Variants in EYS observed in about 807,000 individuals in gnomAD.
EYS encodes the protein protein eyes shut homolog.
In EYS, 250 loss-of-function variants were observed where a neutral mutation model predicts 282.1. The observed-to-expected ratio is 0.89, with a 90% CI of 0.80 to 0.98. The LOEUF (loss-of-function observed/expected upper bound fraction) is 0.98, where lower values mean the gene tolerates loss of function less well. EYS is among the 50% of genes least tolerant of loss of function. The probability of loss-of-function intolerance (pLI) is 0.00; values close to 1 mark genes in which losing one functional copy is unlikely to be tolerated. For missense variants in EYS, 4,016 were observed against 3,709.0 expected (o/e 1.08, Z -2.15); for synonymous variants, 1,355 against 1,282.9 (o/e 1.06, Z -1.20).
At chr6:64,425,174 C>T (rs1189264255) in intron 28 of EYS, among the ~76,000 whole-genome samples, 2 of 152,140 alleles carry the variant, frequency 1.3e-5, no homozygotes, top group East Asian at 1.9e-4. Context: ...AGGAACACAA[C>T]CATGCAGGGT....
chr6:63,973,125 C>G (rs1010310326), intron 35 of EYS, among the ~76,000 whole-genome samples: 3 of 152,016 alleles, frequency 2.0e-5, no homozygotes, highest in Non-Finnish European at 2.9e-5. Flanking sequence ...CTTGAGGAAT[C>G]GCCACACTGT....
intron 8 of EYS, among the ~76,000 whole-genome samples, chr6:65,378,303 A>C (rs2150347152): frequency 6.6e-6 from 1 of 152,342 alleles, no homozygotes; most frequent in East Asian, 1.9e-4. Context: ...ATCACTGGTC[A>C]TTAGAGAAAT....
chr6:64,288,107 T>A (rs141638739), intron 30 of EYS, among the ~76,000 whole-genome samples: 68 of 152,274 alleles, frequency 4.5e-4, no homozygotes, highest in African/African-American at 1.6e-3. Flanking sequence ...AGTTCTTTCA[T>A]GCATTTCATG....
At chr6:65,538,910 TCC>T (rs1768060362) in intron 2 of EYS, among the ~76,000 whole-genome samples, 3 of 152,130 alleles carry the variant, frequency 2.0e-5, no homozygotes, top group Non-Finnish European at 4.4e-5. Context: ...ATATATGCCA[TCC>T]TCAGGGACTG....
At chr6:65,169,618 G>A (rs1393778785) in intron 12 of EYS, among the ~76,000 whole-genome samples, 1 of 151,220 alleles carries the variant, frequency 6.6e-6, no homozygotes, top group African/African-American at 2.4e-5. Context: ...TTATTTAAAT[G>A]TAAAAAATTA....
intron 2 of EYS, among the ~76,000 whole-genome samples, chr6:65,590,701 A>G (rs1765199648): frequency 6.6e-6 from 1 of 151,962 alleles, no homozygotes; most frequent in East Asian, 1.9e-4. Flanking sequence ...ACTTTTGAAG[A>G]TTCCGTTTAT....
chr6:64,487,967 T>C (rs1776626220), intron 26 of EYS, among the ~76,000 whole-genome samples: 2 of 151,136 alleles, frequency 1.3e-5, no homozygotes, highest in South Asian at 4.1e-4. Context: ...CAGATCCCAG[T>C]TGAACAAAAT....
chr6:64,901,062 A>G (rs1309855825), intron 18 of EYS, among the ~76,000 whole-genome samples: 1 of 151,678 alleles, frequency 6.6e-6, no homozygotes, highest in Non-Finnish European at 1.5e-5. Context: ...TATGAGCTAT[A>G]AAAAAGAATG....
At chr6:64,978,459 A>G (rs1459604167) in intron 14 of EYS, among the ~76,000 whole-genome samples, 2 of 151,934 alleles carry the variant, frequency 1.3e-5, no homozygotes, top group Non-Finnish European at 2.9e-5. Context: ...ATGATCATGC[A>G]AGAATTCTGA....
In EYS at chr6:63,953,601, C is replaced by T. The variant is rs553210471; in HGVS notation, c.7055+30782G>A. Reference sequence around the variant, plus strand: ...CCTGGACATGGTTAGGTACTTCTGCCTTTAAATACATAGTTTTACCATCCT... The same window carrying T: ...CCTGGACATGGTTAGGTACTTCTGCTTTTAAATACATAGTTTTACCATCCT... On this transcript the variant is annotated intron_variant, in intron 35 of 42. Transcript: ENST00000503581. Among the ~76,000 whole-genome samples the T allele has an allele frequency of 2.0e-5, 3 of 152,298 alleles. No individual in the cohort carries two copies. In the South Asian group the frequency reaches 6.2e-4, roughly 32 times the overall value.
chr6:63,762,729 A>T (rs1017305512), intron 40 of EYS, 96 bp from the exon 41 acceptor site: 4 of 1,147,940 alleles, frequency 3.5e-6, no homozygotes, highest in Admixed American at 3.1e-5. Flanking sequence ...ATTTTAACTG[A>T]AGTTCCAAGA....
intron 2 of EYS, among the ~76,000 whole-genome samples, chr6:65,572,837 A>T (rs968409050): frequency 2.0e-5 from 3 of 152,134 alleles, no homozygotes; most frequent in African/African-American, 7.2e-5. Flanking sequence ...CATCTATTTT[A>T]AAAATTGCAA....
chr6:64,317,507 G>A (rs950270954), intron 29 of EYS, among the ~76,000 whole-genome samples: 1 of 151,862 alleles, frequency 6.6e-6, no homozygotes, highest in Admixed American at 6.6e-5. Context: ...TTAGAACTAT[G>A]ATCATTAAAC....
intron 31 of EYS, among the ~76,000 whole-genome samples, chr6:64,130,807 T>C (rs1039536897): frequency 1.3e-5 from 2 of 151,920 alleles, no homozygotes; most frequent in East Asian, 1.9e-4. Context: ...TGGGAGGAGA[T>C]TGTGGGAACC....
chr6:64,787,265 C>T (rs924240725), intron 22 of EYS, among the ~76,000 whole-genome samples: 8 of 152,098 alleles, frequency 5.3e-5, no homozygotes, highest in African/African-American at 1.7e-4. Context: ...TTTCAGAAAA[C>T]TCCTGACATA....
chr6:63,945,848 ACAC>A (rs1375624543), intron 35 of EYS, among the ~76,000 whole-genome samples: 1 of 152,296 alleles, frequency 6.6e-6, no homozygotes, highest in African/African-American at 2.4e-5. Context: ...TTATGAGTAA[ACAC>A]CACCTCAATA....
intron 19 of EYS, among the ~76,000 whole-genome samples, chr6:64,870,427 C>CA (rs200730166): frequency 0.037 from 4,097 of 111,876 alleles, 133 homozygotes; most frequent in East Asian, 0.23. Context: ...CTCCCCCCTC[C>CA]AAAAAAAAAA....
intron 12 of EYS, among the ~76,000 whole-genome samples, chr6:65,091,290 A>C (rs913440343): frequency 6.0e-5 from 9 of 149,512 alleles, no homozygotes; most frequent in Admixed American, 5.3e-4. Flanking sequence ...AAAAAAAAAA[A>C]AAAAAACAGA....
At chr6:64,067,236 C>T (rs750982610) in intron 32 of EYS, among the ~76,000 whole-genome samples, 1 of 152,024 alleles carries the variant, frequency 6.6e-6, no homozygotes, top group Non-Finnish European at 1.5e-5. Context: ...TTTAACTTTC[C>T]TAATTGAAGT....
Sources: gnomAD v4.1 joint callset for allele counts (sites outside exome capture counted in the v4.1 genomes callset) on GRCh38, gnomAD v4.1.1 for gene constraint, MANE v1.5 for transcripts, NCBI Gene and HGNC (gene_info 2026-07-23, HGNC 2026-07-21) for gene names.